RXRB: variants seen among roughly 807,000 people sequenced by gnomAD.
RXRB encodes retinoid X receptor beta, also known as retinoic acid receptor RXR-beta.
RXRB carries 18 observed loss-of-function variants against 52.5 expected under a neutral mutation model. That is an observed-to-expected ratio of 0.34 (90% CI 0.24 to 0.51). The LOEUF (loss-of-function observed/expected upper bound fraction) is 0.51, where lower values mean the gene tolerates loss of function less well. Ranked by LOEUF, RXRB falls within the 20% of genes least tolerant of loss-of-function variation. The pLI, the probability that RXRB is intolerant of heterozygous loss-of-function variation, is 0.97. For missense variants in RXRB, 455 were observed against 698.2 expected (o/e 0.65, Z 3.92); for synonymous variants, 233 against 267.1 (o/e 0.87, Z 1.25).
chr6:33,196,418 T>C lies in RXRB; in HGVS notation c.993+16A>G, dbSNP rs201654416. On this transcript the variant is annotated intron_variant, in intron 5 of 9. Coordinates refer to ENST00000374680, the MANE Select transcript of RXRB (RefSeq NM_021976.5). The surrounding 1 kb of genome is among the most constrained non-coding windows in gnomAD (Gnocchi z 4.0). Reference sequence around the variant, plus strand: ...ACCCCCATCACGAAGGAGAGTGGATTGACCCCAACACTCACGCTGCTGCCG... The same window carrying C: ...ACCCCCATCACGAAGGAGAGTGGATCGACCCCAACACTCACGCTGCTGCCG... 19 of 1,611,988 alleles carry C rather than the reference T, an allele frequency of 1.2e-5. No homozygotes were observed. The highest frequency in any genetic ancestry group is 1.5e-5 in the Non-Finnish European group (18 of 1,179,260).
At position 33,200,577 on chromosome 6, in the gene RXRB, C is replaced by G; in HGVS notation, c.-101G>C. 4 of 1,491,424 alleles carry G rather than the reference C, an allele frequency of 2.7e-6. No homozygotes were observed. Among genetic ancestry groups the G allele is most frequent in the Non-Finnish European group, 2.7e-6 (3 of 1,120,980 alleles). 92.4% of individuals were successfully genotyped at this position (1,491,424 alleles called of 1,614,324 possible). ...CGAGGAAGCCCCTGAGAGAAAGACT[C>G]TGGCCTGGATTGGGTCGAATTAAGC... On this transcript the variant is annotated 5_prime_UTR_variant, in exon 1 of 10. Coordinates refer to ENST00000374680, the MANE Select transcript of RXRB (RefSeq NM_021976.5). This position sits in a 1 kb window ranked among gnomAD's most constrained non-coding sequence, Gnocchi z 6.3.
In RXRB at chr6:33,195,311, G is replaced by A; in HGVS notation, c.1348+52C>T. ...GTAACTTAGGAGTCTCGGAGAAGAG[G>A]AGGCTCCAAGGTTGCCTTGGCCTTG... On this transcript the variant is annotated intron_variant, in intron 8 of 9. Transcript: ENST00000374680. This position sits in a 1 kb window ranked among gnomAD's most constrained non-coding sequence, Gnocchi z 8.6. 2 of 1,137,846 alleles carry A rather than the reference G, an allele frequency of 1.8e-6. No homozygotes were observed. Among genetic ancestry groups the A allele is most frequent in the Non-Finnish European group, 1.3e-6 (1 of 746,290 alleles). The allele number at this position is 1,137,846 out of a possible 1,614,324, so 70.5% of individuals were successfully genotyped here.
chr6:33,200,739 C>T (rs746018603), upstream of RXRB: 94 of 1,544,310 alleles, frequency 6.1e-5, no homozygotes, highest in Non-Finnish European at 8.2e-5. The surrounding 1 kb of genome is among the most constrained non-coding windows in gnomAD (Gnocchi z 6.3). Context: ...CCTGTTAGCC[C>T]GCCTCGCCCA....
chr6:33,199,581 TCAAA>T (rs1774268617), intron 1 of RXRB, 165 bp from the exon 2 acceptor site: 2 of 495,042 alleles, frequency 4.0e-6, no homozygotes, highest in Non-Finnish European at 7.0e-6. Flanking sequence ...CACCCTGCTG[TCAAA>T]CAACAGTGTA....
chr6:33,199,816 C>G, intron 1 of RXRB: 1 of 516,870 alleles, frequency 1.9e-6, no homozygotes. Flanking sequence ...CCAGGTCATC[C>G]CAAAGCCACA....
rs1286463434 is a variant in RXRB at position 33,198,403 on chromosome 6, G to A, written c.545C>T (p.Pro182Leu). 4 of 1,612,258 alleles carry A rather than the reference G, an allele frequency of 2.5e-6. No individual in the cohort carries two copies. The highest frequency in any genetic ancestry group is 3.4e-6 in the Non-Finnish European group (4 of 1,179,554). Reference protein sequence around the residue: ...GSGPPEDVKPPVLGVRGLHCP... With the variant: ...GSGPPEDVKPLVLGVRGLHCP... ...GTGCAGGCCCCGGACCCCTAAGACTGGTGGCTTCACATCTTCAGGGGGGCC... is the reference window on the plus strand; with the variant it reads ...GTGCAGGCCCCGGACCCCTAAGACTAGTGGCTTCACATCTTCAGGGGGGCC... Residue 182 changes from proline (P) to leucine (L), a missense_variant, in exon 3 of 10, where the codon CCA becomes CTA. Pro to Leu is a moderately conservative substitution (Grantham distance 98). Coordinates refer to ENST00000374680, the MANE Select transcript of RXRB (RefSeq NM_021976.5).
chr6:33,199,202 G>C lies in RXRB; in HGVS notation c.450C>G (p.Pro150=). Residue 150 remains proline, a synonymous_variant, in exon 2 of 10, where the codon CCC becomes CCG. Coordinates refer to ENST00000374680, the MANE Select transcript of RXRB (RefSeq NM_021976.5). ...MGSPGLPPPA[P]PGFSGPVSSP... ...TGCTGACAGGCCCGGAGAATCCTGGGGGAGCTGGAGGGGGCAGACCAGGGG... is the reference window on the plus strand; with the variant it reads ...TGCTGACAGGCCCGGAGAATCCTGGCGGAGCTGGAGGGGGCAGACCAGGGG... 3 of 1,293,844 alleles carry C rather than the reference G, an allele frequency of 2.3e-6. No homozygotes were observed. Among genetic ancestry groups the C allele is most frequent in the Non-Finnish European group, 3.0e-6 (3 of 1,014,386 alleles). 80.1% of individuals were successfully genotyped at this position (1,293,844 alleles called of 1,614,324 possible). A position where few individuals can be genotyped will look rare whatever the true frequency, so the allele number is the denominator to read the frequency against.
intron 3 of RXRB, 28 bp downstream of exon 3, chr6:33,198,280 C>T (rs113360804): frequency 6.8e-6 from 11 of 1,612,912 alleles, no homozygotes; most frequent in Middle Eastern, 1.7e-4. Flanking sequence ...CAGACTCTCC[C>T]TCTCTGTTCA....
rs779362065 is a variant in RXRB at position 33,200,027 on chromosome 6, C to G, written c.235+215G>C. ...TTCCCAGGCCCGCGACCTCCGGTGC[C>G]CAAGGCCTCAAGCGGTCACAGCTAG... On this transcript the variant is annotated intron_variant, in intron 1 of 9. Coordinates refer to ENST00000374680, the MANE Select transcript of RXRB (RefSeq NM_021976.5). This position sits in a 1 kb window ranked among gnomAD's most constrained non-coding sequence, Gnocchi z 6.3. 10 of 807,308 alleles carry G rather than the reference C, an allele frequency of 1.2e-5. No individual in the cohort carries two copies. The highest frequency in any genetic ancestry group is 2.2e-5 in the Non-Finnish European group (10 of 457,234). The allele number at this position is 807,308 out of a possible 1,614,324, so 50.0% of individuals were successfully genotyped here. A position where few individuals can be genotyped will look rare whatever the true frequency, so the allele number is the denominator to read the frequency against.
At position 33,195,161 on chromosome 6, in the gene RXRB, T is replaced by G; in HGVS notation, c.1349-111A>C. On this transcript the variant is annotated intron_variant, in intron 8 of 9. Transcript: ENST00000374680. This position sits in a 1 kb window ranked among gnomAD's most constrained non-coding sequence, Gnocchi z 8.6. ...CTTTTGGGCTGCACTTGCTTGCCCT[T>G]TACCAGAGGCCTGGCAAGGGAAGCA... 1.1e-6 allele frequency: 1 copy of G among 871,234 alleles called. No individual in the cohort carries two copies. Among genetic ancestry groups the G allele is most frequent in the South Asian group, 1.4e-5 (1 of 69,536 alleles). The allele number at this position is 871,234 out of a possible 1,614,324, so 54.0% of individuals were successfully genotyped here. A position where few individuals can be genotyped will look rare whatever the true frequency, so the allele number is the denominator to read the frequency against.
At position 33,196,728 on chromosome 6, in the gene RXRB, G is replaced by A; in HGVS notation, c.821-122C>T. 1.1e-6 allele frequency: 1 copy of A among 916,990 alleles called. No homozygotes were observed. The highest frequency in any genetic ancestry group is 1.6e-6 in the Non-Finnish European group (1 of 613,476). The allele number at this position is 916,990 out of a possible 1,614,324, so 56.8% of individuals were successfully genotyped here. A position where few individuals can be genotyped will look rare whatever the true frequency, so the allele number is the denominator to read the frequency against. ...CCTTGGGAGATATTTATAGGAATTG[G>A]GGAAGTCACTAGAAAGGGTGGACTG... On this transcript the variant is annotated intron_variant, in intron 4 of 9. Coordinates refer to ENST00000374680, the MANE Select transcript of RXRB (RefSeq NM_021976.5). This position sits in a 1 kb window ranked among gnomAD's most constrained non-coding sequence, Gnocchi z 4.0.
At position 33,194,590 on chromosome 6, in the gene RXRB, G is replaced by A; in HGVS notation, c.*92C>T. ...GTACTTCTCACCCCATCAAGGTTCT[G>A]GGAACATGGCCCCCCACCCTGCCCC... On this transcript the variant is annotated 3_prime_UTR_variant, in exon 10 of 10. Coordinates refer to ENST00000374680, the MANE Select transcript of RXRB (RefSeq NM_021976.5). This position sits in a 1 kb window ranked among gnomAD's most constrained non-coding sequence, Gnocchi z 4.1. 2 of 1,400,584 alleles carry A rather than the reference G, an allele frequency of 1.4e-6. No individual in the cohort carries two copies. The highest frequency in any genetic ancestry group is 1.9e-6 in the Non-Finnish European group (2 of 1,027,002). 86.8% of individuals were successfully genotyped at this position (1,400,584 alleles called of 1,614,324 possible).
rs751308269 is a variant in RXRB at position 33,196,272 on chromosome 6, T to C, written c.993+162A>G. 2.1e-6 allele frequency: 2 copies of C among 934,922 alleles called. No individual in the cohort carries two copies. The highest frequency in any genetic ancestry group is 3.5e-6 in the Non-Finnish European group (2 of 574,404). 57.9% of individuals were successfully genotyped at this position (934,922 alleles called of 1,614,324 possible). On this transcript the variant is annotated intron_variant, in intron 5 of 9. Transcript: ENST00000374680. This position sits in a 1 kb window ranked among gnomAD's most constrained non-coding sequence, Gnocchi z 4.0. ...AGTGGAGACAGAAGGAGCTATCACA[T>C]CCACCTCAGATGTTTGAAAGACCTT...
Position 33,194,325 on chromosome 6 carries a change from G to T in RXRB, c.*357C>A. The stretch of plus-strand genomic sequence containing the variant: ...GGGAGTTCCCCATTTCCACTCTTCA[G>T]ATGGGAAGCAAAATGAGGCAAGATG... On this transcript the variant is annotated 3_prime_UTR_variant, in exon 10 of 10. Coordinates refer to ENST00000374680, the MANE Select transcript of RXRB (RefSeq NM_021976.5). This position sits in a 1 kb window ranked among gnomAD's most constrained non-coding sequence, Gnocchi z 4.1. 4.7e-6 allele frequency: 1 copy of T among 214,614 alleles called. No homozygotes were observed. The highest frequency in any genetic ancestry group is 9.2e-6 in the Non-Finnish European group (1 of 108,586). 13.3% of individuals were successfully genotyped at this position (214,614 alleles called of 1,614,324 possible). A position where few individuals can be genotyped will look rare whatever the true frequency, so the allele number is the denominator to read the frequency against.
intron 1 of RXRB, chr6:33,199,911 A>C: frequency 5.9e-6 from 4 of 680,906 alleles, no homozygotes; most frequent in Non-Finnish European, 8.2e-6. Context: ...AGAGCGTGCA[A>C]GGGAAAGAGA....
Position 33,195,373 on chromosome 6 carries a change from C to T in RXRB, c.1338G>A (p.Leu446=). 8 of 1,607,980 alleles carry T rather than the reference C, an allele frequency of 5.0e-6. No homozygotes were observed. Among genetic ancestry groups the T allele is most frequent in the Non-Finnish European group, 6.8e-6 (8 of 1,175,342 alleles). The stretch of plus-strand genomic sequence containing the variant: ...TAATCCTCCTCTTACCTGGATTAAA[C>T]AGAATGATTGCCCTCAGGCAGCCAA... The part of the protein sequence containing the change: ...TELGCLRAII[L]FNPDAKGLSN... Residue 446 remains leucine, a synonymous_variant, in exon 8 of 10, where the codon CTG becomes CTA. Transcript: ENST00000374680. This position sits in a 1 kb window ranked among gnomAD's most constrained non-coding sequence, Gnocchi z 8.6.
Position 33,193,629 on chromosome 6 carries a change from T to C in RXRB, c.*1053A>G, listed in dbSNP as rs1448525565. 6.6e-6 allele frequency: 1 copy of C among 152,024 alleles called. No individual in the cohort carries two copies. The highest frequency in any genetic ancestry group is 2.4e-5 in the African/African-American group (1 of 41,368). The allele number at this position is 152,024 out of a possible 1,614,324, so 9.4% of individuals were successfully genotyped here. A position where few individuals can be genotyped will look rare whatever the true frequency, so the allele number is the denominator to read the frequency against. On this transcript the variant is annotated 3_prime_UTR_variant, in exon 10 of 10. Coordinates refer to ENST00000374680, the MANE Select transcript of RXRB (RefSeq NM_021976.5). ...TTTAATTTGAAAGCGATTTTATGTA[T>C]GAGAGGGGAAAGGAGCCCCAAAGAG...
chr6:33,196,678 T>C lies in RXRB; in HGVS notation c.821-72A>G, dbSNP rs1459433628. The C allele has an allele frequency of 8.3e-6, 11 of 1,319,042 alleles. No homozygotes were observed. The highest frequency in any genetic ancestry group is 1.2e-5 in the Non-Finnish European group (11 of 951,088). 81.7% of individuals were successfully genotyped at this position (1,319,042 alleles called of 1,614,324 possible). Reference sequence around the variant, plus strand: ...CATGAAGGGGTTCCACAAATATCCTTACGGCCTCATCAGGATCTCATGGCC... The same window carrying C: ...CATGAAGGGGTTCCACAAATATCCTCACGGCCTCATCAGGATCTCATGGCC... On this transcript the variant is annotated intron_variant, in intron 4 of 9. Coordinates refer to ENST00000374680, the MANE Select transcript of RXRB (RefSeq NM_021976.5). This position sits in a 1 kb window ranked among gnomAD's most constrained non-coding sequence, Gnocchi z 4.0.
At position 33,194,432 on chromosome 6, in the gene RXRB, G is replaced by C; in HGVS notation, c.*250C>G. ...AGGGTGAGAAATCACCCCAAATCAT[G>C]GGAGAACCCGACAAATTCAGAGACT... On this transcript the variant is annotated 3_prime_UTR_variant, in exon 10 of 10. Transcript: ENST00000374680. The surrounding 1 kb of genome is among the most constrained non-coding windows in gnomAD (Gnocchi z 4.1). 2.0e-6 allele frequency: 1 copy of C among 503,500 alleles called. No individual in the cohort carries two copies. The highest frequency in any genetic ancestry group is 3.5e-6 in the Non-Finnish European group (1 of 284,938). The allele number at this position is 503,500 out of a possible 1,614,324, so 31.2% of individuals were successfully genotyped here.
Sources: gnomAD v4.1 joint callset for allele counts on GRCh38, gnomAD v4.1.1 for gene constraint, Gnocchi (gnomAD v3.1) non-coding constraint, MANE v1.5 for transcripts, NCBI Gene and HGNC (gene_info 2026-07-23, HGNC 2026-07-21) for gene names.